Variants in ATP11C observed in about 807,000 individuals in gnomAD.
The protein encoded by ATP11C is phospholipid-transporting ATPase IG.
Under a neutral mutation model 97.4 loss-of-function variants are expected in ATP11C, and 36 were observed. The ratio of observed to expected loss-of-function variants is 0.37; its 90% CI spans 0.28 to 0.49. The LOEUF (loss-of-function observed/expected upper bound fraction) is 0.49, where lower values mean the gene tolerates loss of function less well. Ranked by LOEUF, ATP11C falls within the 20% of genes least tolerant of loss-of-function variation. The pLI, the probability that ATP11C is intolerant of heterozygous loss-of-function variation, is 0.98. For synonymous variants in ATP11C, 275 were observed against 290.9 expected (o/e 0.95, Z 0.56); for missense variants, 730 against 824.6 (o/e 0.89, Z 1.40).
Position 139,728,680 on chromosome X carries a change from C to T in ATP11C, c.*286G>A, listed in dbSNP as rs1005502628. The T allele has an allele frequency of 6.2e-6, 2 of 324,711 alleles. No individual in the cohort carries two copies. The highest frequency in any genetic ancestry group is 5.0e-5 in the Admixed American group (1 of 20,184). The allele number at this position is 324,711 out of a possible 1,213,427, so 26.8% of individuals were successfully genotyped here. ...TTGAGTTATATTACTCTAACTAAAG[C>T]CAGAATTCTAAGTATTCTTGCTTTC... is the stretch of plus-strand genomic sequence containing the variant. On this transcript the variant is annotated 3_prime_UTR_variant, in exon 30 of 30. Transcript: ENST00000682941.
chrX:139,910,913 G>A (rs990925700), intron 1 of ATP11C, among the ~76,000 whole-genome samples: 10 of 111,692 alleles, frequency 9.0e-5, no homozygotes, highest in African/African-American at 3.3e-4. Flanking sequence ...AGGTCACAGT[G>A]TCAAAGAGTA....
chrX:139,802,338 G>C lies in ATP11C; in HGVS notation c.557C>G (p.Thr186Arg), dbSNP rs766175328. 2 of 1,164,952 alleles carry C rather than the reference G, an allele frequency of 1.7e-6. No individual in the cohort carries two copies. The highest frequency in any genetic ancestry group is 6.0e-5 in the East Asian group (2 of 33,394). The change falls in exon 7 of 30, where the codon ACA becomes AGA. Residue 186 changes from threonine to arginine, a missense_variant and splice_region_variant. Physicochemically the swap from Thr to Arg is moderately conservative, Grantham distance 71. Coordinates refer to ENST00000682941, the MANE Select transcript of ATP11C (RefSeq NM_001353812.2). ...ASLDGESNCKTHYAVRDTIAL... is the reference protein window; with the variant it reads ...ASLDGESNCKRHYAVRDTIAL... ...AATGGTATCACGTACTGCATAATGT[G>C]TCTAGTTGAAAGCAGAAGAAAAAGT...
At chrX:139,760,584 A>G (rs2082018220) in intron 22 of ATP11C, among the ~76,000 whole-genome samples, 1 of 111,753 alleles carries the variant, frequency 8.9e-6, no homozygotes, top group Non-Finnish European at 1.9e-5. Context: ...GAGTAGTTGG[A>G]AGATGCACTA....
chrX:139,848,485 CTT>C (rs1265604616), intron 1 of ATP11C, among the ~76,000 whole-genome samples: 1 of 107,210 alleles, frequency 9.3e-6, no homozygotes, highest in Non-Finnish European at 1.9e-5. Flanking sequence ...CCTCTACTCT[CTT>C]TTTTGTTTTT....
chrX:139,815,360 C>G (rs1034745575), intron 4 of ATP11C, among the ~76,000 whole-genome samples: 6 of 111,447 alleles, frequency 5.4e-5, no homozygotes, highest in Non-Finnish European at 7.6e-5. Flanking sequence ...TTTCTTATAG[C>G]CATAATCACT....
chrX:139,805,184 A>G (rs1442731137), intron 5 of ATP11C, among the ~76,000 whole-genome samples: 1 of 111,604 alleles, frequency 9.0e-6, no homozygotes, highest in Non-Finnish European at 1.9e-5. Flanking sequence ...ATCACTTAAT[A>G]TAGCAATGAG....
intron 28 of ATP11C, among the ~76,000 whole-genome samples, chrX:139,732,133 A>G (rs1347675357): frequency 9.0e-6 from 1 of 110,768 alleles, no homozygotes; most frequent in Non-Finnish European, 1.9e-5. Context: ...TATCAAACAA[A>G]GAGAAATTTG....
At chrX:139,858,123 A>C (rs2084122924) in intron 1 of ATP11C, among the ~76,000 whole-genome samples, 2 of 113,098 alleles carry the variant, frequency 1.8e-5, no homozygotes, top group Non-Finnish European at 3.7e-5. Flanking sequence ...ACTCAGCAAG[A>C]AGGACCTCGG....
At chrX:139,802,453 G>A in intron 6 of ATP11C, 114 bp from the exon 7 acceptor site, 2 of 398,787 alleles carry the variant, frequency 5.0e-6, no homozygotes, top group Non-Finnish European at 8.8e-6. Context: ...GGCTTTGGCA[G>A]AATAAACAAA....
chrX:139,927,518 C>T (rs2148189105), intron 1 of ATP11C, among the ~76,000 whole-genome samples: 1 of 111,145 alleles, frequency 9.0e-6, no homozygotes, highest in East Asian at 2.8e-4. Flanking sequence ...GCAGGAGAAT[C>T]GCTTGAACTC....
intron 4 of ATP11C, among the ~76,000 whole-genome samples, chrX:139,816,474 A>G (rs1352085746): frequency 8.9e-6 from 1 of 112,169 alleles, no homozygotes; most frequent in East Asian, 2.8e-4. Flanking sequence ...AAAAAACAAG[A>G]AAATTAAAGT....
chrX:139,751,498 T>A (rs2081814795), intron 23 of ATP11C, among the ~76,000 whole-genome samples: 1 of 112,460 alleles, frequency 8.9e-6, no homozygotes, highest in South Asian at 3.7e-4. Context: ...AGAGGACTAG[T>A]CCGTGGCACA....
chrX:139,780,699 C>T (rs2082437182), intron 18 of ATP11C, among the ~76,000 whole-genome samples: 1 of 111,593 alleles, frequency 9.0e-6, no homozygotes, highest in Admixed American at 9.5e-5. Context: ...TACTGGAAGT[C>T]CTAGCCAGAG....
chrX:139,874,105 C>T (rs774285398), intron 1 of ATP11C, among the ~76,000 whole-genome samples: 4 of 107,307 alleles, frequency 3.7e-5, no homozygotes, highest in Non-Finnish European at 5.8e-5. Flanking sequence ...TGCAATGGCA[C>T]GATCTCGGCT....
chrX:139,912,440 G>A (rs975203607), intron 1 of ATP11C, among the ~76,000 whole-genome samples: 22 of 110,444 alleles, frequency 2.0e-4, no homozygotes, highest in African/African-American at 6.9e-4. Context: ...TGGGTATGCA[G>A]GGGTTTATTT....
At chrX:139,778,630 A>G (rs1174599373) in intron 18 of ATP11C, among the ~76,000 whole-genome samples, 1 of 111,680 alleles carries the variant, frequency 9.0e-6, no homozygotes, top group East Asian at 2.8e-4. Flanking sequence ...TGAGTTCGAG[A>G]CCAGCCTGGC....
intron 1 of ATP11C, among the ~76,000 whole-genome samples, chrX:139,926,748 A>C (rs1054753737): frequency 1.8e-5 from 2 of 112,765 alleles, no homozygotes; most frequent in Non-Finnish European, 3.7e-5. Context: ...ACACTTACAG[A>C]AAGTATTCAG....
Position 139,923,093 on chromosome X carries a change from C to A in ATP11C, c.27+8923G>T, listed in dbSNP as rs778142340. 5.4e-5 allele frequency among the ~76,000 whole-genome samples: 6 copies of A among 111,966 alleles called. No homozygotes were observed. The East Asian group carries it at 1.4e-3, about 26-fold the overall frequency. On this transcript the variant is annotated intron_variant, in intron 1 of 29. Transcript: ENST00000682941. Reference sequence around the variant, plus strand: ...GAGCCACTGAGCCCCACCTGTTATACTTTTTTTTATAACAGCTCAAACTCA... The same window carrying A: ...GAGCCACTGAGCCCCACCTGTTATAATTTTTTTTATAACAGCTCAAACTCA...
At chrX:139,831,229 T>C (rs754004175) in intron 1 of ATP11C, among the ~76,000 whole-genome samples, 6 of 111,398 alleles carry the variant, frequency 5.4e-5, no homozygotes, top group Non-Finnish European at 1.1e-4. Flanking sequence ...TAAAGCTTAA[T>C]TACAGTCATA....
Sources: allele counts gnomAD v4.1 joint callset (sites outside exome capture counted in the v4.1 genomes callset), GRCh38; gene constraint gnomAD v4.1.1; transcripts MANE v1.5; gene names NCBI Gene and HGNC (gene_info 2026-07-23, HGNC 2026-07-21).